ANKS1B: variants seen among roughly 807,000 people sequenced by gnomAD.
ANKS1B encodes ankyrin repeat and sterile alpha motif domain-containing protein 1B.
In ANKS1B, 36 loss-of-function variants were observed where a neutral mutation model predicts 148.3. The observed-to-expected ratio is 0.24, with a 90% CI of 0.19 to 0.32. ANKS1B has a LOEUF of 0.32. ANKS1B is among the 10% of genes least tolerant of loss of function. The probability of loss-of-function intolerance (pLI) is 1.00; values close to 1 mark genes in which losing one functional copy is unlikely to be tolerated. For missense variants in ANKS1B, 1,157 were observed against 1,542.6 expected, an observed-to-expected ratio of 0.75 and a Z score of 4.19; for synonymous variants, 542 against 560.8, an observed-to-expected ratio of 0.97 and a Z score of 0.47.
intron 17 of ANKS1B, among the ~76,000 whole-genome samples, chr12:98,986,889 G>T (rs1017156476): frequency 5.9e-5 from 9 of 152,114 alleles, no homozygotes; most frequent in African/African-American, 2.2e-4. Flanking sequence ...AAAGTGCTTA[G>T]ATTATAGGCA....
chr12:99,581,704 C>G (rs1050436398), intron 9 of ANKS1B, among the ~76,000 whole-genome samples: 9 of 151,644 alleles, frequency 5.9e-5, no homozygotes, highest in Non-Finnish European at 1.3e-4. Flanking sequence ...TCCTGGCTAA[C>G]AAGGTGAAAC....
chr12:99,001,628 C>T (rs1217247335), intron 17 of ANKS1B, among the ~76,000 whole-genome samples: 1 of 152,108 alleles, frequency 6.6e-6, no homozygotes, highest in Non-Finnish European at 1.5e-5. Flanking sequence ...CATCTGTCAT[C>T]TCACATAATT....
intron 17 of ANKS1B, among the ~76,000 whole-genome samples, chr12:98,859,968 TA>T (rs2099590403): frequency 6.6e-6 from 1 of 152,240 alleles, no homozygotes; most frequent in Non-Finnish European, 1.5e-5. Flanking sequence ...AAACAGAAGT[TA>T]AATTGAATTG....
intron 12 of ANKS1B, among the ~76,000 whole-genome samples, chr12:99,316,198 G>T (rs897999860): frequency 6.6e-6 from 1 of 152,184 alleles, no homozygotes; most frequent in Non-Finnish European, 1.5e-5. Flanking sequence ...TAATGGGATT[G>T]CTGGGTCAAA....
In ANKS1B at chr12:99,406,285, T is replaced by C. The variant is rs115034526; in HGVS notation, c.1576-6474A>G. ...CATTTGTTAGGTCACGAAACAAGTCTTAAAAAAACTAAAAAATAAATTGAA... is the reference window on the plus strand; with the variant it reads ...CATTTGTTAGGTCACGAAACAAGTCCTAAAAAAACTAAAAAATAAATTGAA... On this transcript the variant is annotated intron_variant, in intron 11 of 26. Transcript: ENST00000683438. Among the ~76,000 whole-genome samples, 1,156 of 145,810 alleles carry C rather than the reference T, an allele frequency of 7.9e-3. 182 individuals are homozygous for C. The highest frequency in any genetic ancestry group is 0.029 in the African/African-American group (1,103 of 38,580).
intron 9 of ANKS1B, among the ~76,000 whole-genome samples, chr12:99,572,099 C>T (rs1380094645): frequency 6.6e-6 from 1 of 151,996 alleles, no homozygotes; most frequent in East Asian, 1.9e-4. Context: ...ACTAACTAAG[C>T]TCTATGACCC....
Position 98,878,228 on chromosome 12 carries a change from GA to G in ANKS1B, c.2779-46093del, listed in dbSNP as rs59746677. Among the ~76,000 whole-genome samples the G allele has an allele frequency of 3.2e-3, 430 of 133,538 alleles. 3 individuals carry two copies. The highest frequency in any genetic ancestry group is 7.8e-3 in the Middle Eastern group (2 of 258). 87.6% of individuals were successfully genotyped at this position (133,538 alleles called of 152,430 possible). ...AGAAGAAAGTTATTTTATGAAAGATGAAAAAAAAAAAAACACCTCACTCTGG... is the reference window on the plus strand; with the variant it reads ...AGAAGAAAGTTATTTTATGAAAGATGAAAAAAAAAAAACACCTCACTCTGG... On this transcript the variant is annotated intron_variant, in intron 17 of 26. Transcript: ENST00000683438.
intron 1 of ANKS1B, among the ~76,000 whole-genome samples, chr12:99,844,651 GT>G (rs1391247770): frequency 1.3e-5 from 2 of 152,148 alleles, no homozygotes; most frequent in African/African-American, 4.8e-5. Context: ...TTATAGTACA[GT>G]TTGATGTCAG....
chr12:99,320,657 G>T (rs1424798826), intron 12 of ANKS1B, among the ~76,000 whole-genome samples: 1 of 152,128 alleles, frequency 6.6e-6, no homozygotes, highest in Non-Finnish European at 1.5e-5. Flanking sequence ...TTAGCACAGA[G>T]AGGTTTGTTA....
chr12:99,168,379 T>A (rs540174043), intron 14 of ANKS1B, among the ~76,000 whole-genome samples: 1 of 151,618 alleles, frequency 6.6e-6, no homozygotes, highest in South Asian at 2.1e-4. Context: ...ATTAGCTGGG[T>A]GTGGTGGCGG....
intron 16 of ANKS1B, among the ~76,000 whole-genome samples, chr12:99,070,935 G>C (rs1196994741): frequency 6.6e-6 from 1 of 152,122 alleles, no homozygotes; most frequent in African/African-American, 2.4e-5. Flanking sequence ...AAAGTGCTAG[G>C]ATTACAGGCA....
At chr12:98,871,848 T>C (rs530027736) in intron 17 of ANKS1B, among the ~76,000 whole-genome samples, 35 of 152,186 alleles carry the variant, frequency 2.3e-4, no homozygotes, top group Non-Finnish European at 5.0e-4. Context: ...ACAATGAATG[T>C]GATGTAGCTT....
chr12:99,546,896 C>G (rs1388679347), intron 9 of ANKS1B, among the ~76,000 whole-genome samples: 1 of 152,026 alleles, frequency 6.6e-6, no homozygotes, highest in Non-Finnish European at 1.5e-5. Context: ...GGGATAAACT[C>G]CAACAACAAG....
rs558968433 is a variant in ANKS1B at position 99,000,642 on chromosome 12, T to C, written c.2778+52515A>G. Among the ~76,000 whole-genome samples the C allele has an allele frequency of 3.9e-5, 6 of 152,310 alleles. No individual in the cohort carries two copies. In the South Asian group the frequency reaches 1.0e-3, roughly 26 times the overall value. ...AACATGAGGTCTACCCTCTTAAAAA[T>C]TGTGTGCATAATACAATACTGTTAA... On this transcript the variant is annotated intron_variant, in intron 17 of 26. Transcript: ENST00000683438.
At chr12:99,305,337 AT>A (rs2082200625) in intron 12 of ANKS1B, among the ~76,000 whole-genome samples, 1 of 152,120 alleles carries the variant, frequency 6.6e-6, no homozygotes, top group Non-Finnish European at 1.5e-5. Flanking sequence ...ATTTCTGCTG[AT>A]ATCAATTTAA....
At chr12:99,150,593 T>G (rs2153816974) in intron 15 of ANKS1B, among the ~76,000 whole-genome samples, 1 of 152,172 alleles carries the variant, frequency 6.6e-6, no homozygotes, top group South Asian at 2.1e-4. Flanking sequence ...GAATAGATTC[T>G]TTGGGACTTA....
chr12:99,032,788 G>A (rs2099953068), intron 17 of ANKS1B, among the ~76,000 whole-genome samples: 2 of 152,056 alleles, frequency 1.3e-5, no homozygotes, highest in African/African-American at 4.8e-5. Context: ...AACATTTATG[G>A]CAATTTAAGT....
chr12:99,329,056 A>G lies in ANKS1B; in HGVS notation c.1756+70575T>C, dbSNP rs370992690. ...ATCAAAAATAAAACTCAGAAAAAAT[A>G]GAATCCAAAGAAAAATGAACAGAGC... On this transcript the variant is annotated intron_variant, in intron 12 of 26. Coordinates refer to ENST00000683438, the MANE Select transcript of ANKS1B (RefSeq NM_001352186.2). Among the ~76,000 whole-genome samples, 11 of 152,024 alleles carry G rather than the reference A, an allele frequency of 7.2e-5. No individual in the cohort carries two copies. The East Asian group carries it at 7.7e-4, about 11-fold the overall frequency.
intron 17 of ANKS1B, among the ~76,000 whole-genome samples, chr12:98,857,718 T>A (rs1246553784): frequency 1.3e-5 from 2 of 151,922 alleles, no homozygotes; most frequent in Admixed American, 6.6e-5. Context: ...AATGAATATT[T>A]CAAGAACTAT....
Sources: allele counts gnomAD v4.1 joint callset (sites outside exome capture counted in the v4.1 genomes callset), GRCh38; gene constraint gnomAD v4.1.1; transcripts MANE v1.5; gene names NCBI Gene and HGNC (gene_info 2026-07-23, HGNC 2026-07-21).